The following ZFAT variants were observed in gnomAD, a reference collection of about 807,000 sequenced individuals.
The protein encoded by ZFAT is zinc finger protein ZFAT.
ZFAT carries 64 observed loss-of-function variants against 117.7 expected under a neutral mutation model. The ratio of observed to expected loss-of-function variants is 0.54; its 90% CI spans 0.44 to 0.67. ZFAT has a LOEUF of 0.67. Among genes scored for constraint, ZFAT ranks in the 30% least tolerant of loss-of-function variants. The pLI, the probability that ZFAT is intolerant of heterozygous loss-of-function variation, is 0.00. For missense variants in ZFAT, 1,433 were observed against 1,584.5 expected, an observed-to-expected ratio of 0.90 and a Z score of 1.62; for synonymous variants, 679 against 615.0, an observed-to-expected ratio of 1.10 and a Z score of -1.54.
chr8:134,736,460 T>C, the ZFAT span, among the ~76,000 whole-genome samples: 1 of 152,206 alleles, frequency 6.6e-6, no homozygotes, highest in African/African-American at 2.4e-5. Flanking sequence ...ATCTTTGTTA[T>C]ACAAACATTA....
chr8:134,763,070 A>G, the ZFAT span, among the ~76,000 whole-genome samples: 2 of 152,232 alleles, frequency 1.3e-5, no homozygotes, highest in Non-Finnish European at 2.9e-5. Flanking sequence ...GTAATCTTTA[A>G]AAAATGTAAA....
At chr8:134,818,965 T>C in the ZFAT span, among the ~76,000 whole-genome samples, 2 of 152,220 alleles carry the variant, frequency 1.3e-5, no homozygotes, top group Non-Finnish European at 2.9e-5. Context: ...TGGGGGTATA[T>C]GTTTAGTGTC....
intron 1 of ZFAT, among the ~76,000 whole-genome samples, chr8:134,703,949 C>G (rs1203085690): frequency 2.0e-5 from 3 of 152,140 alleles, no homozygotes; most frequent in Non-Finnish European, 2.9e-5. Context: ...CTGCCATATG[C>G]CAGGTATGTT....
At chr8:134,483,375 C>T (rs1817450627) in intron 15 of ZFAT, among the ~76,000 whole-genome samples, 1 of 152,188 alleles carries the variant, frequency 6.6e-6, no homozygotes, top group African/African-American at 2.4e-5. Flanking sequence ...GGTTCAGAGA[C>T]CTCCTTCAGC....
the ZFAT span, among the ~76,000 whole-genome samples, chr8:134,726,780 T>C: frequency 6.6e-6 from 1 of 151,778 alleles, no homozygotes; most frequent in East Asian, 1.9e-4. Flanking sequence ...TTTTTTTTTT[T>C]TGTATTTTGG....
the ZFAT span, among the ~76,000 whole-genome samples, chr8:134,730,922 A>T: frequency 6.6e-6 from 1 of 152,240 alleles, no homozygotes. Flanking sequence ...GGGCTACTAT[A>T]TGAAGAAAAG....
chr8:134,537,344 T>A (rs1321691253), intron 11 of ZFAT, among the ~76,000 whole-genome samples: 2 of 152,232 alleles, frequency 1.3e-5, no homozygotes, highest in African/African-American at 4.8e-5. Context: ...CTGGCCATTT[T>A]TTTCCCTAGC....
intron 1 of ZFAT, among the ~76,000 whole-genome samples, chr8:134,665,463 T>C (rs1832163617): frequency 6.6e-6 from 1 of 152,190 alleles, no homozygotes; most frequent in South Asian, 2.1e-4. Context: ...GCTGCTGCTG[T>C]CCTCTGTACG....
At chr8:134,828,438 T>C in the ZFAT span, among the ~76,000 whole-genome samples, 1 of 152,250 alleles carries the variant, frequency 6.6e-6, no homozygotes, top group Non-Finnish European at 1.5e-5. Flanking sequence ...TTTTACTTCT[T>C]GTATGCCCTG....
chr8:134,578,065 G>C (rs1359457216), intron 10 of ZFAT, among the ~76,000 whole-genome samples: 1 of 152,100 alleles, frequency 6.6e-6, no homozygotes. Flanking sequence ...CAGGAGGAGG[G>C]AAGGGCCAAA....
intron 3 of ZFAT, among the ~76,000 whole-genome samples, chr8:134,635,890 G>C (rs1462411400): frequency 6.6e-6 from 1 of 152,090 alleles, no homozygotes; most frequent in African/African-American, 2.4e-5. Flanking sequence ...ACAGCACTCC[G>C]GGCCTACAGC....
At chr8:134,739,930 G>A in the ZFAT span, among the ~76,000 whole-genome samples, 18 of 152,340 alleles carry the variant, frequency 1.2e-4, no homozygotes, top group Admixed American at 6.5e-4. Context: ...GTCTGCCTAT[G>A]GATGACCATG....
chr8:134,699,442 C>A (rs1176514507), intron 1 of ZFAT, among the ~76,000 whole-genome samples: 2 of 152,144 alleles, frequency 1.3e-5, no homozygotes, highest in Non-Finnish European at 2.9e-5. Context: ...GACTCTGTGC[C>A]ATGACTCTGC....
At chr8:134,674,104 G>A (rs556948389) in intron 1 of ZFAT, among the ~76,000 whole-genome samples, 1 of 152,286 alleles carries the variant, frequency 6.6e-6, no homozygotes, top group African/African-American at 2.4e-5. Flanking sequence ...GACAGTGGGT[G>A]TACCCCAGAG....
chr8:134,697,376 T>C (rs1833893126), intron 1 of ZFAT, among the ~76,000 whole-genome samples: 1 of 150,286 alleles, frequency 6.7e-6, no homozygotes, highest in East Asian at 2.1e-4. Context: ...CCTCCCAAAG[T>C]GCTGGGATTA....
chr8:134,789,634 A>G, the ZFAT span, among the ~76,000 whole-genome samples: 1 of 152,192 alleles, frequency 6.6e-6, no homozygotes, highest in East Asian at 1.9e-4. Context: ...GCTACATGGT[A>G]GAGAGTGGAT....
chr8:134,708,960 A>T (rs1586978324), intron 1 of ZFAT, among the ~76,000 whole-genome samples: 2 of 150,568 alleles, frequency 1.3e-5, no homozygotes, highest in Non-Finnish European at 2.9e-5. Context: ...CAATAAATTA[A>T]TTTAATTTAA....
intron 12 of ZFAT, among the ~76,000 whole-genome samples, chr8:134,521,949 G>A (rs994733220): frequency 3.9e-5 from 6 of 152,122 alleles, no homozygotes; most frequent in Middle Eastern, 3.2e-3. Context: ...TTCCCTAGTC[G>A]CAAACTCTGG....
the ZFAT span, among the ~76,000 whole-genome samples, chr8:134,830,184 A>T: frequency 6.6e-6 from 1 of 152,158 alleles, no homozygotes; most frequent in African/African-American, 2.4e-5. Context: ...AAAAAGAGAG[A>T]AGAGAGAAAA....
Sources: gnomAD v4.1 joint callset for allele counts (sites outside exome capture counted in the v4.1 genomes callset) on GRCh38, gnomAD v4.1.1 for gene constraint, MANE v1.5 for transcripts, NCBI Gene and HGNC (gene_info 2026-07-23, HGNC 2026-07-21) for gene names.